The following C12orf42 variants were observed in gnomAD, a reference collection of about 807,000 sequenced individuals.
C12orf42 encodes uncharacterized protein C12orf42.
A neutral mutation model predicts 21.6 loss-of-function variants in C12orf42; 25 were observed. That is an observed-to-expected ratio of 1.16 (90% CI 0.84 to 1.62). The LOEUF (loss-of-function observed/expected upper bound fraction) is 1.62, where lower values mean the gene tolerates loss of function less well. Ranked by LOEUF, C12orf42 falls within the 40% of genes most tolerant of loss-of-function variation. The pLI, the probability that C12orf42 is intolerant of heterozygous loss-of-function variation, is 0.00. For synonymous variants in C12orf42, 174 were observed against 175.0 expected, an observed-to-expected ratio of 0.99 and a Z score of 0.05; for missense variants, 483 against 459.3, an observed-to-expected ratio of 1.05 and a Z score of -0.47.
the C12orf42 span, among the ~76,000 whole-genome samples, chr12:103,051,208 C>A: frequency 6.6e-6 from 1 of 152,140 alleles, no homozygotes; most frequent in South Asian, 2.1e-4. Context: ...ATAAGTTAGA[C>A]CTCAACTGTG....
At chr12:103,081,927 T>C in the C12orf42 span, among the ~76,000 whole-genome samples, 3,454 of 152,332 alleles carry the variant, frequency 0.023, 59 homozygotes, top group African/African-American at 0.044. Flanking sequence ...TATGAATCTT[T>C]CTCACTCTTA....
At chr12:103,180,424 G>A in the C12orf42 span, among the ~76,000 whole-genome samples, 46,954 of 151,716 alleles carry the variant, frequency 0.31, 8,038 homozygotes, top group Non-Finnish European at 0.39. Context: ...AGTTGACTTC[G>A]TTGGCTAACA....
At chr12:103,127,512 T>G in the C12orf42 span, among the ~76,000 whole-genome samples, 1 of 152,184 alleles carries the variant, frequency 6.6e-6, no homozygotes, top group Non-Finnish European at 1.5e-5. Context: ...TGTGTATATA[T>G]GTACACATGT....
chr12:103,195,332 A>T, the C12orf42 span, among the ~76,000 whole-genome samples: 33 of 152,256 alleles, frequency 2.2e-4, no homozygotes, highest in South Asian at 1.0e-3. Context: ...GCTGGGTTGA[A>T]TGATGGTTCT....
chr12:103,149,577 C>T, the C12orf42 span, among the ~76,000 whole-genome samples: 3 of 136,098 alleles, frequency 2.2e-5, no homozygotes, highest in Non-Finnish European at 3.1e-5. Flanking sequence ...ATTATGGGGG[C>T]GGTTTCCCCC....
chr12:103,085,499 G>A, the C12orf42 span, among the ~76,000 whole-genome samples: 1 of 151,804 alleles, frequency 6.6e-6, no homozygotes, highest in Admixed American at 6.6e-5. Flanking sequence ...CAATTCTTTT[G>A]AGGAGTCACT....
the C12orf42 span, among the ~76,000 whole-genome samples, chr12:103,138,063 T>C: frequency 1.5e-4 from 23 of 152,146 alleles, no homozygotes; most frequent in Non-Finnish European, 2.9e-4. Context: ...ATAATTGAAG[T>C]GATGGACATC....
chr12:103,066,866 G>T, the C12orf42 span, among the ~76,000 whole-genome samples: 1 of 152,178 alleles, frequency 6.6e-6, no homozygotes, highest in Non-Finnish European at 1.5e-5. Flanking sequence ...AATAGTCAAG[G>T]GGATAAAATG....
the C12orf42 span, among the ~76,000 whole-genome samples, chr12:103,089,316 A>G: frequency 0.6 from 91,574 of 151,830 alleles, 29,078 homozygotes; most frequent in African/African-American, 0.79. Context: ...TTAAAAGAAA[A>G]TGTATTGTTG....
At chr12:103,287,581 G>A (rs1343945258) in intron 4 of C12orf42, among the ~76,000 whole-genome samples, 6 of 152,034 alleles carry the variant, frequency 3.9e-5, no homozygotes, top group African/African-American at 1.4e-4. Context: ...GGAAGGGATA[G>A]CATTAGGTGA....
the C12orf42 span, among the ~76,000 whole-genome samples, chr12:103,524,516 C>T: frequency 6.6e-6 from 1 of 152,208 alleles, no homozygotes; most frequent in Non-Finnish European, 1.5e-5. Context: ...CTGGGCAAGT[C>T]CTCCCTCTAA....
the C12orf42 span, among the ~76,000 whole-genome samples, chr12:103,536,490 G>C: frequency 5.9e-5 from 9 of 152,266 alleles, 1 homozygote; most frequent in Admixed American, 2.6e-4. Flanking sequence ...AGAATGAAAA[G>C]ATAATAGTGT....
At chr12:103,077,623 G>A in the C12orf42 span, among the ~76,000 whole-genome samples, 1 of 152,216 alleles carries the variant, frequency 6.6e-6, no homozygotes, top group African/African-American at 2.4e-5. Context: ...TTCTCAGCTT[G>A]AGCCTCTTGG....
chr12:103,294,424 G>GAGAGAGAAAGAA (rs2037028908), intron 4 of C12orf42, among the ~76,000 whole-genome samples: 1 of 56,286 alleles, frequency 1.8e-5, no homozygotes, highest in African/African-American at 8.2e-5. Context: ...AGAGAAAGGA[G>GAGAGAGAAAGAA]AGAGAGAAAG....
chr12:103,051,679 C>T, the C12orf42 span, among the ~76,000 whole-genome samples: 2 of 152,194 alleles, frequency 1.3e-5, no homozygotes, highest in East Asian at 3.9e-4. Context: ...ATCCAGGAAT[C>T]CATGAGCAGG....
chr12:103,078,216 T>C, the C12orf42 span, among the ~76,000 whole-genome samples: 3 of 152,210 alleles, frequency 2.0e-5, no homozygotes, highest in Non-Finnish European at 4.4e-5. Flanking sequence ...ACTAACTTAA[T>C]CCTCACCATC....
the C12orf42 span, among the ~76,000 whole-genome samples, chr12:103,134,185 A>G: frequency 6.6e-6 from 1 of 151,990 alleles, no homozygotes; most frequent in South Asian, 2.1e-4. Flanking sequence ...CAGTGTAAGG[A>G]CACAAAAAAC....
At chr12:103,157,305 C>CT in the C12orf42 span, among the ~76,000 whole-genome samples, 1 of 152,080 alleles carries the variant, frequency 6.6e-6, no homozygotes, top group Admixed American at 6.5e-5. Flanking sequence ...CCTTTGTCCA[C>CT]TTTTTGATGG....
chr12:103,242,061 T>C (rs529701910), intron 10 of C12orf42, among the ~76,000 whole-genome samples: 2 of 152,284 alleles, frequency 1.3e-5, no homozygotes, highest in East Asian at 1.9e-4. Context: ...CATTTTCTTA[T>C]GGTGGATGCG....
Sources: allele counts gnomAD v4.1 joint callset (sites outside exome capture counted in the v4.1 genomes callset), GRCh38; gene constraint gnomAD v4.1.1; transcripts MANE v1.5; gene names NCBI Gene and HGNC (gene_info 2026-07-23, HGNC 2026-07-21).